The following CSMD1 variants were observed in gnomAD, a reference collection of about 807,000 sequenced individuals.
CSMD1 encodes CUB and Sushi multiple domains 1.
Under a neutral mutation model 417.5 loss-of-function variants are expected in CSMD1, and 213 were observed. That is an observed-to-expected ratio of 0.51 (90% confidence interval 0.46 to 0.57). The LOEUF is 0.57. CSMD1 is among the 20% of genes least tolerant of loss of function. CSMD1 has a pLI of 0.00. For synonymous variants in CSMD1, 2,862 were observed against 1,736.8 expected, an observed-to-expected ratio of 1.65 and a Z score of -16.11; for missense variants, 6,923 against 4,529.7, an observed-to-expected ratio of 1.53 and a Z score of -15.17.
intron 36 of CSMD1, among the ~76,000 whole-genome samples, chr8:3,185,413 A>G (rs1026038847): frequency 6.6e-6 from 1 of 152,146 alleles, no homozygotes; most frequent in Non-Finnish European, 1.5e-5. Context: ...TGGCTAATCC[A>G]TCATGCAGCT....
intron 2 of CSMD1, among the ~76,000 whole-genome samples, chr8:4,495,204 G>T (rs1224641924): frequency 6.6e-6 from 1 of 152,060 alleles, no homozygotes; most frequent in Admixed American, 6.6e-5. Flanking sequence ...GAGAAATCCT[G>T]GGATTTTTAT....
At chr8:4,742,465 T>C (rs1169552344) in intron 1 of CSMD1, among the ~76,000 whole-genome samples, 6 of 152,156 alleles carry the variant, frequency 3.9e-5, no homozygotes, top group Non-Finnish European at 8.8e-5. Flanking sequence ...GGTGTTTACT[T>C]TTAGTCATTC....
chr8:3,158,156 T>A (rs1425187272), intron 38 of CSMD1, among the ~76,000 whole-genome samples, 190 bp from the exon 39 acceptor site: 2 of 152,192 alleles, frequency 1.3e-5, no homozygotes, highest in East Asian at 3.9e-4. Flanking sequence ...TAGAAAAGTA[T>A]CCATTTTCAC....
intron 5 of CSMD1, among the ~76,000 whole-genome samples, chr8:3,819,347 A>G (rs1223870558): frequency 1.3e-5 from 2 of 152,026 alleles, no homozygotes; most frequent in African/African-American, 4.8e-5. Context: ...GATTCATGTC[A>G]TTTCATTTTA....
intron 10 of CSMD1, among the ~76,000 whole-genome samples, chr8:3,533,623 C>A (rs1032539071): frequency 3.9e-5 from 6 of 152,190 alleles, no homozygotes; most frequent in African/African-American, 1.4e-4. Flanking sequence ...ATCCACTCAT[C>A]TGCATCTGGA....
chr8:4,624,067 T>C (rs1371817727), intron 2 of CSMD1, among the ~76,000 whole-genome samples: 1 of 152,158 alleles, frequency 6.6e-6, no homozygotes, highest in Non-Finnish European at 1.5e-5. Context: ...TATCTCTAGC[T>C]CTTGCGTAAA....
At chr8:4,728,505 A>G (rs1809623140) in intron 1 of CSMD1, among the ~76,000 whole-genome samples, 1 of 152,024 alleles carries the variant, frequency 6.6e-6, no homozygotes, top group Non-Finnish European at 1.5e-5. Flanking sequence ...CTCAGCGACT[A>G]TTTACTAGGT....
Position 3,272,273 on chromosome 8 carries a change from C to A in CSMD1, c.4153+11871G>T, listed in dbSNP as rs925785942. On this transcript the variant is annotated intron_variant, in intron 26 of 69. Coordinates refer to ENST00000635120, the MANE Select transcript of CSMD1 (RefSeq NM_033225.6). ...CGGCGTTATTTCTGAGGGCTCTGTT[C>A]TATTCCATTGATCTATATCTCTGTT... Among the ~76,000 whole-genome samples, 3 of 144,276 alleles carry A rather than the reference C, an allele frequency of 2.1e-5. 1 individual carries two copies. The highest frequency in any genetic ancestry group is 7.7e-5 in the African/African-American group (3 of 38,822). 94.7% of individuals were successfully genotyped at this position (144,276 alleles called of 152,430 possible). A position where few individuals can be genotyped will look rare whatever the true frequency, so the allele number is the denominator to read the frequency against.
At chr8:4,802,353 G>C (rs990617896) in intron 1 of CSMD1, among the ~76,000 whole-genome samples, 1 of 95,704 alleles carries the variant, frequency 1.0e-5, no homozygotes, top group African/African-American at 6.5e-5. Context: ...GTGTGCGCGC[G>C]TGTGTGTGTG....
At chr8:4,004,115 C>T (rs764533870) in intron 4 of CSMD1, among the ~76,000 whole-genome samples, 1 of 151,980 alleles carries the variant, frequency 6.6e-6, no homozygotes, top group Non-Finnish European at 1.5e-5. Flanking sequence ...AAGCTGTATA[C>T]ATATGTATAT....
intron 42 of CSMD1, among the ~76,000 whole-genome samples, chr8:3,116,193 TG>T (rs1458652579): frequency 1.2e-4 from 19 of 152,346 alleles, no homozygotes; most frequent in African/African-American, 4.6e-4. Flanking sequence ...ACACATTGGA[TG>T]GTTCTTAGAA....
intron 50 of CSMD1, among the ~76,000 whole-genome samples, chr8:3,034,333 C>G (rs1810529739): frequency 6.6e-6 from 1 of 152,068 alleles, no homozygotes; most frequent in Non-Finnish European, 1.5e-5. Flanking sequence ...AAAAAGCCAA[C>G]CAAGAGATCA....
intron 49 of CSMD1, among the ~76,000 whole-genome samples, chr8:3,079,733 G>A (rs1813946412): frequency 6.6e-6 from 1 of 152,130 alleles, no homozygotes; most frequent in South Asian, 2.1e-4. Flanking sequence ...GGGGGTGAAT[G>A]CAGGGTATAA....
intron 5 of CSMD1, among the ~76,000 whole-genome samples, chr8:3,969,812 G>C (rs914515096): frequency 5.3e-5 from 8 of 152,118 alleles, no homozygotes; most frequent in African/African-American, 1.9e-4. Flanking sequence ...CCAAGAGAAA[G>C]ACGGGGAGAT....
intron 5 of CSMD1, among the ~76,000 whole-genome samples, chr8:3,988,486 G>C (rs973416230): frequency 7.2e-5 from 11 of 152,180 alleles, no homozygotes; most frequent in African/African-American, 2.4e-4. Context: ...CTGGAGCACG[G>C]AACAGCAGCA....
intron 5 of CSMD1, among the ~76,000 whole-genome samples, chr8:3,913,469 A>T (rs1012711622): frequency 6.6e-6 from 1 of 152,200 alleles, no homozygotes; most frequent in African/African-American, 2.4e-5. Flanking sequence ...GACTGGAAGA[A>T]GCAAGCCCTT....
chr8:2,996,777 C>G (rs1806934364), intron 54 of CSMD1, among the ~76,000 whole-genome samples: 1 of 152,196 alleles, frequency 6.6e-6, no homozygotes. Flanking sequence ...CATTTCAACC[C>G]TAATTCTGCA....
chr8:4,404,369 T>C (rs1470301027), intron 3 of CSMD1, among the ~76,000 whole-genome samples: 7 of 152,250 alleles, frequency 4.6e-5, no homozygotes, highest in African/African-American at 1.4e-4. Context: ...GATTTTGTGC[T>C]GTTTTGTTCA....
chr8:3,049,671 T>C (rs571026756), intron 50 of CSMD1, among the ~76,000 whole-genome samples: 1 of 152,182 alleles, frequency 6.6e-6, no homozygotes, highest in African/African-American at 2.4e-5. Context: ...AGACTTTAAG[T>C]GTGATACTAT....
Sources: gnomAD v4.1 joint callset for allele counts (sites outside exome capture counted in the v4.1 genomes callset) on GRCh38, gnomAD v4.1.1 for gene constraint, MANE v1.5 for transcripts, NCBI Gene and HGNC (gene_info 2026-07-23, HGNC 2026-07-21) for gene names.